Variants in C1orf21 observed in about 807,000 individuals in gnomAD.
C1orf21 encodes the protein uncharacterized protein C1orf21.
Under a neutral mutation model 18.7 loss-of-function variants are expected in C1orf21, and 3 were observed. The ratio of observed to expected loss-of-function variants is 0.16; its 90% CI spans 0.07 to 0.42. The LOEUF is 0.42. Among genes scored for constraint, C1orf21 ranks in the 10% least tolerant of loss-of-function variants. C1orf21 has a pLI of 0.99. For missense variants in C1orf21, 104 were observed against 143.6 expected, an observed-to-expected ratio of 0.72 and a Z score of 1.41; for synonymous variants, 41 against 46.4, an observed-to-expected ratio of 0.88 and a Z score of 0.47.
chr1:184,526,016 G>C (rs1017988397), intron 3 of C1orf21, among the ~76,000 whole-genome samples: 2 of 152,172 alleles, frequency 1.3e-5, no homozygotes, highest in Non-Finnish European at 2.9e-5. Context: ...TTCTTTAAAA[G>C]ATACAGTGGA....
At chr1:184,612,857 C>T (rs1334619259) in intron 5 of C1orf21, among the ~76,000 whole-genome samples, 3 of 152,194 alleles carry the variant, frequency 2.0e-5, no homozygotes, top group Non-Finnish European at 4.4e-5. Context: ...AACACATTCA[C>T]ATAACTTTTA....
chr1:184,400,456 G>T (rs866792819), intron 1 of C1orf21, among the ~76,000 whole-genome samples: 1 of 152,034 alleles, frequency 6.6e-6, no homozygotes, highest in Non-Finnish European at 1.5e-5. Context: ...TTTACATATT[G>T]TTTCCCTATT....
At chr1:184,535,424 A>T (rs1443897967) in intron 3 of C1orf21, among the ~76,000 whole-genome samples, 1 of 152,208 alleles carries the variant, frequency 6.6e-6, no homozygotes, top group Non-Finnish European at 1.5e-5. Flanking sequence ...AACTGTACCC[A>T]AAGCTTAAAC....
intron 1 of C1orf21, among the ~76,000 whole-genome samples, chr1:184,466,672 G>T (rs1358170017): frequency 5.9e-5 from 9 of 152,006 alleles, no homozygotes; most frequent in Admixed American, 5.9e-4. Context: ...ATAGTTCTTT[G>T]TTATGGTAAA....
At chr1:184,407,569 T>C (rs1026781024) in intron 1 of C1orf21, among the ~76,000 whole-genome samples, 2 of 152,130 alleles carry the variant, frequency 1.3e-5, no homozygotes, top group African/African-American at 2.4e-5. Flanking sequence ...AACAAATGAG[T>C]GCTCATGAGT....
intron 1 of C1orf21, among the ~76,000 whole-genome samples, chr1:184,431,279 C>T (rs1210892684): frequency 6.6e-6 from 1 of 152,082 alleles, no homozygotes; most frequent in African/African-American, 2.4e-5. Context: ...ATATATAGGC[C>T]AATGGAACAG....
At chr1:184,398,522 T>G (rs1207729474) in intron 1 of C1orf21, among the ~76,000 whole-genome samples, 1 of 152,254 alleles carries the variant, frequency 6.6e-6, no homozygotes, top group East Asian at 1.9e-4. Flanking sequence ...TATTATCTGC[T>G]CTGTACATAA....
intron 1 of C1orf21, among the ~76,000 whole-genome samples, chr1:184,426,048 TG>T (rs1656632472): frequency 4.6e-5 from 7 of 152,220 alleles, no homozygotes. Context: ...GTTTCCCTTC[TG>T]GCATCATCCC....
chr1:184,499,028 C>A (rs1014160489), intron 2 of C1orf21, among the ~76,000 whole-genome samples: 7 of 152,162 alleles, frequency 4.6e-5, no homozygotes, highest in Admixed American at 2.0e-4. Context: ...ATATGTGAAA[C>A]TTTCAGAACT....
chr1:184,568,606 T>C, intron 3 of C1orf21: 2 of 303,298 alleles, frequency 6.6e-6, no homozygotes, highest in South Asian at 5.9e-5. Context: ...TTTTTCCTCC[T>C]TGAAGTAACT....
chr1:184,469,479 A>G (rs886154321), intron 1 of C1orf21, among the ~76,000 whole-genome samples: 2 of 152,226 alleles, frequency 1.3e-5, no homozygotes, highest in African/African-American at 4.8e-5. Context: ...CAATTCAATG[A>G]TGAAAACACA....
At chr1:184,523,874 G>A (rs1019377735) in intron 3 of C1orf21, among the ~76,000 whole-genome samples, 1 of 152,068 alleles carries the variant, frequency 6.6e-6, no homozygotes, top group Non-Finnish European at 1.5e-5. Flanking sequence ...CATTCCATGA[G>A]GATAAACCAC....
rs76680503 is a variant in C1orf21, at chr1:184,422,741, G to A, written c.-125+35373G>A. On this transcript the variant is annotated intron_variant, in intron 1 of 5. Transcript: ENST00000235307. ...GTTTGATTGATAGGATTTTCTTCCC[G>A]TACATATCTCTCTGAGAGCATTGTT... is the stretch of plus-strand genomic sequence containing the variant. Among the ~76,000 whole-genome samples the A allele has an allele frequency of 7.3e-3, 1,105 of 152,208 alleles. 8 individuals are homozygous for A. Among genetic ancestry groups the A allele is most frequent in the African/African-American group, 0.024 (1,014 of 41,504 alleles).
At chr1:184,513,714 A>G (rs1658185059) in intron 3 of C1orf21, among the ~76,000 whole-genome samples, 2 of 152,242 alleles carry the variant, frequency 1.3e-5, no homozygotes, top group Admixed American at 1.3e-4. Context: ...CATTGTAATT[A>G]TGTAATTTAG....
chr1:184,530,360 GC>G (rs2101972788), intron 3 of C1orf21, among the ~76,000 whole-genome samples: 1 of 152,156 alleles, frequency 6.6e-6, no homozygotes, highest in East Asian at 1.9e-4. Flanking sequence ...TAAGAATGGT[GC>G]CTGCTGCATA....
At chr1:184,521,863 T>C (rs752905391) in intron 3 of C1orf21, among the ~76,000 whole-genome samples, 2 of 151,790 alleles carry the variant, frequency 1.3e-5, no homozygotes, top group Non-Finnish European at 2.9e-5. Flanking sequence ...CTGAAGGAGA[T>C]TGAGGGAAAG....
intron 5 of C1orf21, among the ~76,000 whole-genome samples, chr1:184,616,119 G>C (rs1322668648): frequency 6.6e-6 from 1 of 152,154 alleles, no homozygotes; most frequent in Non-Finnish European, 1.5e-5. Context: ...CCATTCTCAG[G>C]TCTCCTTTCT....
intron 3 of C1orf21, among the ~76,000 whole-genome samples, chr1:184,530,180 CTAGTCGTAACTAGTCT>C (rs1206495711): frequency 6.6e-6 from 1 of 152,160 alleles, no homozygotes; most frequent in African/African-American, 2.4e-5. Flanking sequence ...CTCTATTCTT[CTAGTCGTAACTAGTCT>C]TAGAGAGGTA....
At position 184,609,471 on chromosome 1, in the gene C1orf21, A is replaced by G. The variant is rs147895541; in HGVS notation, c.328-10047A>G. Among the ~76,000 whole-genome samples the G allele has an allele frequency of 2.0e-4, 31 of 152,348 alleles. No individual in the cohort carries two copies. In the East Asian group the frequency reaches 6.0e-3, roughly 29 times the overall value. ...AAGAGTTTGTCTGGAAGGCACATCA[A>G]GAGGCAAATGAATTAAAATGCCAGA... On this transcript the variant is annotated intron_variant, in intron 5 of 5. Transcript: ENST00000235307.
Sources: allele counts gnomAD v4.1 joint callset (sites outside exome capture counted in the v4.1 genomes callset), GRCh38; gene constraint gnomAD v4.1.1; transcripts MANE v1.5; gene names NCBI Gene and HGNC (gene_info 2026-07-23, HGNC 2026-07-21).